Variants in XKR9 observed in about 807,000 individuals in gnomAD.
The protein encoded by XKR9 is XK-related protein 9.
Under a neutral mutation model 32.0 loss-of-function variants are expected in XKR9, and 32 were observed. The ratio of observed to expected loss-of-function variants is 1.00; its 90% confidence interval spans 0.76 to 1.34. The LOEUF is 1.34. Ranked by LOEUF, XKR9 falls within the 40% of genes most tolerant of loss-of-function variation. The pLI is 0.00. For synonymous variants in XKR9, 168 were observed against 143.4 expected (o/e 1.17, Z -1.22); for missense variants, 546 against 429.7 (o/e 1.27, Z -2.39).
chr8:70,880,538 T>A, the XKR9 span, among the ~76,000 whole-genome samples: 1 of 151,890 alleles, frequency 6.6e-6, no homozygotes, highest in Non-Finnish European at 1.5e-5. Context: ...ACAAAGAGAA[T>A]AAAATACCTA....
the XKR9 span, among the ~76,000 whole-genome samples, chr8:70,971,243 T>C: frequency 6.6e-6 from 1 of 152,220 alleles, no homozygotes; most frequent in South Asian, 2.1e-4. Context: ...TTCATATGCT[T>C]GTTGTCCATT....
At chr8:70,912,399 G>A in the XKR9 span, among the ~76,000 whole-genome samples, 3 of 151,934 alleles carry the variant, frequency 2.0e-5, no homozygotes, top group Admixed American at 6.6e-5. Flanking sequence ...TGAAGAGGAG[G>A]GGGCAGAATC....
chr8:70,920,787 C>T, the XKR9 span, among the ~76,000 whole-genome samples: 2 of 152,100 alleles, frequency 1.3e-5, no homozygotes, highest in East Asian at 1.9e-4. Flanking sequence ...TAAAAAGTCA[C>T]TTAGGTTTCT....
At chr8:70,753,969 T>A (rs1807180675) in intron 2 of XKR9, among the ~76,000 whole-genome samples, 1 of 110,884 alleles carries the variant, frequency 9.0e-6, no homozygotes, top group African/African-American at 2.7e-5. Flanking sequence ...AAAGAGGAAG[T>A]CAAATTGTCC....
At chr8:70,955,971 G>A in the XKR9 span, among the ~76,000 whole-genome samples, 1 of 152,258 alleles carries the variant, frequency 6.6e-6, no homozygotes, top group East Asian at 1.9e-4. Context: ...CAAAAGCTTT[G>A]AGATGCCAGG....
At chr8:70,968,499 A>G in the XKR9 span, among the ~76,000 whole-genome samples, 2 of 152,104 alleles carry the variant, frequency 1.3e-5, no homozygotes, top group African/African-American at 4.8e-5. Context: ...TGTTGTAGTC[A>G]TTTGGAGAAG....
chr8:70,957,403 G>A, the XKR9 span, among the ~76,000 whole-genome samples: 4 of 152,132 alleles, frequency 2.6e-5, no homozygotes, highest in South Asian at 2.1e-4. Context: ...AAGTTTAGGG[G>A]TACATGTGCA....
chr8:71,043,594 TA>T, the XKR9 span, among the ~76,000 whole-genome samples: 19 of 152,208 alleles, frequency 1.2e-4, no homozygotes, highest in Non-Finnish European at 2.8e-4. Context: ...AAAGATGCGT[TA>T]TTTCATATTT....
the XKR9 span, among the ~76,000 whole-genome samples, chr8:71,000,954 G>A: frequency 6.6e-6 from 1 of 152,220 alleles, no homozygotes; most frequent in Non-Finnish European, 1.5e-5. Context: ...GGGCACTGAG[G>A]ATAGAGTCTG....
chr8:70,881,884 G>T, the XKR9 span, among the ~76,000 whole-genome samples: 1 of 152,204 alleles, frequency 6.6e-6, no homozygotes, highest in African/African-American at 2.4e-5. Flanking sequence ...ATCAATGATA[G>T]ACTTGATTAA....
At chr8:70,730,173 A>G (rs909529780) in intron 4 of XKR9, among the ~76,000 whole-genome samples, 1 of 152,106 alleles carries the variant, frequency 6.6e-6, no homozygotes, top group Non-Finnish European at 1.5e-5. Flanking sequence ...TTTCCCTGCC[A>G]TTTACCCAAA....
intron 4 of XKR9, among the ~76,000 whole-genome samples, chr8:70,709,663 G>C (rs1805842444): frequency 6.6e-6 from 1 of 152,072 alleles, no homozygotes; most frequent in Non-Finnish European, 1.5e-5. Flanking sequence ...CCATGTCCAA[G>C]CTGAGAGCCA....
downstream of XKR9, among the ~76,000 whole-genome samples, chr8:70,791,128 G>A (rs551873984): frequency 6.6e-6 from 1 of 152,134 alleles, no homozygotes; most frequent in South Asian, 2.1e-4. Context: ...AGCAGTAAGG[G>A]ATTTTATTGA....
the XKR9 span, among the ~76,000 whole-genome samples, chr8:70,921,351 C>T: frequency 6.6e-6 from 1 of 152,202 alleles, no homozygotes; most frequent in Non-Finnish European, 1.5e-5. Context: ...GCTGCATCTA[C>T]TCCCTACCTT....
At chr8:70,797,367 G>A in the XKR9 span, among the ~76,000 whole-genome samples, 1 of 152,012 alleles carries the variant, frequency 6.6e-6, no homozygotes. Flanking sequence ...GCTTAGGTGT[G>A]GCCTTTCTTC....
At position 70,735,290 on chromosome 8, in the gene XKR9, T is replaced by C. The variant is rs1806828584; in HGVS notation, c.*866T>C. 6.6e-6 allele frequency: 1 copy of C among 151,938 alleles called. No homozygotes were observed. Among genetic ancestry groups the C allele is most frequent in the South Asian group, 2.1e-4 (1 of 4,826 alleles). 9.4% of individuals were successfully genotyped at this position (151,938 alleles called of 1,614,324 possible). A position where few individuals can be genotyped will look rare whatever the true frequency, so the allele number is the denominator to read the frequency against. On this transcript the variant is annotated 3_prime_UTR_variant, in exon 5 of 5. Transcript: ENST00000408926. The stretch of plus-strand genomic sequence containing the variant: ...CCCAAGTCTCTCTCAACTGAAATTA[T>C]AATTTTTTGTTTCTATGAGTTTGAA...
At chr8:70,793,195 A>T (rs1235085002), downstream of XKR9, among the ~76,000 whole-genome samples, 1 of 152,074 alleles carries the variant, frequency 6.6e-6, no homozygotes. Context: ...TTCTTCTCTC[A>T]TAGAATGCTT....
chr8:70,753,799 AGCC>A (rs1807178075), intron 2 of XKR9, among the ~76,000 whole-genome samples: 1 of 150,080 alleles, frequency 6.7e-6, no homozygotes, highest in African/African-American at 2.4e-5. Context: ...ACAAACCCAC[AGCC>A]AATATCATGC....
the XKR9 span, among the ~76,000 whole-genome samples, chr8:70,846,947 AAAG>A: frequency 6.6e-6 from 1 of 152,148 alleles, no homozygotes; most frequent in Middle Eastern, 3.4e-3. Context: ...GAAAATCAAC[AAAG>A]AAACATTCAT....
Sources: gnomAD v4.1 joint callset for allele counts (sites outside exome capture counted in the v4.1 genomes callset) on GRCh38, gnomAD v4.1.1 for gene constraint, MANE v1.5 for transcripts, NCBI Gene and HGNC (gene_info 2026-07-23, HGNC 2026-07-21) for gene names.